LEPR: variants seen among roughly 807,000 people sequenced by gnomAD.
The protein encoded by LEPR is leptin receptor, also known as OB receptor.
A neutral mutation model predicts 114.7 loss-of-function variants in LEPR; 56 were observed. The observed-to-expected ratio is 0.49, with a 90% CI of 0.39 to 0.61. The LOEUF (loss-of-function observed/expected upper bound fraction) is 0.61, where lower values mean the gene tolerates loss of function less well. Among genes scored for constraint, LEPR ranks in the 20% least tolerant of loss-of-function variants. LEPR has a pLI of 0.00. For synonymous variants in LEPR, 443 were observed against 461.4 expected (o/e 0.96, Z 0.51); for missense variants, 1,202 against 1,352.9 (o/e 0.89, Z 1.75).
intron 2 of LEPR, chr1:65,434,719 C>A (rs546349366): frequency 2.0e-6 from 2 of 985,450 alleles, no homozygotes; most frequent in African/African-American, 3.5e-5. Flanking sequence ...CCTCCTAATG[C>A]CCTTGAGATC....
chr1:65,572,930 C>G (rs548071602), intron 5 of LEPR, among the ~76,000 whole-genome samples: 2 of 152,294 alleles, frequency 1.3e-5, no homozygotes, highest in East Asian at 3.9e-4. Context: ...ACGGCTGGCT[C>G]TCTCTTGCCT....
At chr1:65,436,014 C>G in intron 2 of LEPR, 1 of 982,614 alleles carries the variant, frequency 1.0e-6, no homozygotes, top group Non-Finnish European at 1.2e-6. Context: ...TTAACAAAGG[C>G]TTTTATGTAC....
intron 3 of LEPR, among the ~76,000 whole-genome samples, chr1:65,566,660 C>T (rs1232800157): frequency 6.6e-6 from 1 of 152,170 alleles, no homozygotes; most frequent in Non-Finnish European, 1.5e-5. Flanking sequence ...TGTGATTTGG[C>T]AATTGTTTAT....
chr1:65,567,737 A>C (rs1180039304), intron 3 of LEPR, among the ~76,000 whole-genome samples: 3 of 152,304 alleles, frequency 2.0e-5, no homozygotes, highest in South Asian at 2.1e-4. Flanking sequence ...ATTTTCTTAC[A>C]TTTTTAAAAA....
chr1:65,587,528 C>T (rs542042793), intron 5 of LEPR, among the ~76,000 whole-genome samples: 12 of 151,996 alleles, frequency 7.9e-5, no homozygotes, highest in East Asian at 5.8e-4. Flanking sequence ...ATAGATGGTT[C>T]GGGGATTGTC....
intron 2 of LEPR, among the ~76,000 whole-genome samples, chr1:65,495,697 A>T (rs1418199055): frequency 6.6e-6 from 1 of 152,216 alleles, no homozygotes; most frequent in Non-Finnish European, 1.5e-5. Flanking sequence ...GTATATGTAT[A>T]CATGAGGGAC....
At chr1:65,426,181 C>G (rs760080373) in intron 2 of LEPR, among the ~76,000 whole-genome samples, 1 of 152,134 alleles carries the variant, frequency 6.6e-6, no homozygotes, top group Non-Finnish European at 1.5e-5. Context: ...CCATACAGAT[C>G]TCTAGGGAAA....
chr1:65,475,114 C>T (rs1647142206), intron 2 of LEPR, among the ~76,000 whole-genome samples: 1 of 149,388 alleles, frequency 6.7e-6, no homozygotes, highest in Non-Finnish European at 1.5e-5. Flanking sequence ...AGTAAAGAAG[C>T]CTGAGACCAC....
intron 2 of LEPR, chr1:65,429,806 A>G: frequency 7.5e-7 from 1 of 1,330,486 alleles, no homozygotes; most frequent in South Asian, 2.2e-5. Context: ...TATGTCTTTC[A>G]TTTAAAATGT....
chr1:65,613,443 A>T (rs1023068075), intron 14 of LEPR, among the ~76,000 whole-genome samples: 1 of 152,168 alleles, frequency 6.6e-6, no homozygotes, highest in African/African-American at 2.4e-5. Context: ...TAACCAAATT[A>T]CACAAAGAAA....
chr1:65,613,778 A>AGAAAAAAAAAAGATTC (rs1557696699), intron 14 of LEPR, among the ~76,000 whole-genome samples: 1 of 138,786 alleles, frequency 7.2e-6, no homozygotes, highest in African/African-American at 3.1e-5. Context: ...AAAAAAAAAA[A>AGAAAAAAAAAAGATTC]AAAACCAAGT....
chr1:65,610,183 A>C, intron 13 of LEPR, 31 bp from the exon 14 acceptor site: 1 of 1,614,148 alleles, frequency 6.2e-7, no homozygotes. Context: ...GTATTTCTTC[A>C]AAAACATATA....
intron 2 of LEPR, chr1:65,432,733 T>A (rs972166165): frequency 1.2e-5 from 8 of 672,610 alleles, no homozygotes; most frequent in Non-Finnish European, 1.5e-5. Flanking sequence ...GATTTTTTTT[T>A]AAAGATCACT....
intron 2 of LEPR, among the ~76,000 whole-genome samples, chr1:65,426,879 T>C (rs1646385331): frequency 6.6e-6 from 1 of 152,176 alleles, no homozygotes; most frequent in South Asian, 2.1e-4. Context: ...ACGCCTGTAT[T>C]CCCAGCTACT....
At position 65,638,570 on chromosome 1, in the gene LEPR, A is replaced by G. The variant is rs1658788486; in HGVS notation, c.*1555A>G. 1 of 152,206 alleles carries G rather than the reference A, an allele frequency of 6.6e-6. No homozygotes were observed. The highest frequency in any genetic ancestry group is 2.4e-5 in the African/African-American group (1 of 41,444). 9.4% of individuals were successfully genotyped at this position (152,206 alleles called of 1,614,324 possible). ...ACTCCCAATTTTACTGTTATCCTAA[A>G]TAAATCTCTACATTCCATCTCTAGT... On this transcript the variant is annotated 3_prime_UTR_variant, in exon 20 of 20. Transcript: ENST00000349533.
chr1:65,593,777 C>T (rs10732836), intron 6 of LEPR, among the ~76,000 whole-genome samples: 76,450 of 151,866 alleles, frequency 0.5, 20,062 homozygotes, highest in East Asian at 0.88. Context: ...TTGTGATCTC[C>T]ACAACATAAT....
intron 2 of LEPR, among the ~76,000 whole-genome samples, chr1:65,468,085 T>C (rs1209652864): frequency 1.3e-5 from 2 of 152,158 alleles, no homozygotes; most frequent in Non-Finnish European, 2.9e-5. Flanking sequence ...ACCAGGTACC[T>C]CAGTTGGAAA....
chr1:65,626,206 C>T (rs1272580398), intron 19 of LEPR: 4 of 1,597,588 alleles, frequency 2.5e-6, no homozygotes, highest in Non-Finnish European at 3.4e-6. Context: ...CTCGCTGCCG[C>T]ACCTGCTCTC....
chr1:65,522,363 T>A (rs1227976082), intron 2 of LEPR, among the ~76,000 whole-genome samples: 1 of 152,176 alleles, frequency 6.6e-6, no homozygotes, highest in East Asian at 1.9e-4. Context: ...GTTTACCATT[T>A]TCCCATTTAC....
Sources: gnomAD v4.1 joint callset for allele counts (sites outside exome capture counted in the v4.1 genomes callset) on GRCh38, gnomAD v4.1.1 for gene constraint, MANE v1.5 for transcripts, NCBI Gene and HGNC (gene_info 2026-07-23, HGNC 2026-07-21) for gene names.